PLCZ1: variants seen among roughly 807,000 people sequenced by gnomAD.
The protein encoded by PLCZ1 is phospholipase C zeta 1.
Under a neutral mutation model 76.8 loss-of-function variants are expected in PLCZ1, and 64 were observed. The ratio of observed to expected loss-of-function variants is 0.83; its 90% CI spans 0.68 to 1.03. The LOEUF (loss-of-function observed/expected upper bound fraction) is 1.03. Among genes scored for constraint, PLCZ1 ranks in the 50% least tolerant of loss-of-function variants. The pLI is 0.00. For missense variants in PLCZ1, 751 were observed against 713.7 expected (o/e 1.05, Z -0.60); for synonymous variants, 248 against 230.8 (o/e 1.07, Z -0.68).
the PLCZ1 span, among the ~76,000 whole-genome samples, chr12:18,658,995 C>G: frequency 0.58 from 88,380 of 151,414 alleles, 27,146 homozygotes; most frequent in East Asian, 0.89. Context: ...AACTCATGCT[C>G]TATGACTCAG....
chr12:18,659,780 C>T, the PLCZ1 span, among the ~76,000 whole-genome samples: 54 of 150,712 alleles, frequency 3.6e-4, no homozygotes, highest in Admixed American at 1.5e-3. Context: ...CCCGTTAACT[C>T]GTTATTTAGC....
chr12:18,705,738 T>C (rs1956518366), intron 6 of PLCZ1, among the ~76,000 whole-genome samples: 2 of 151,320 alleles, frequency 1.3e-5, no homozygotes, highest in Non-Finnish European at 2.9e-5. Flanking sequence ...TGGTAGTGTG[T>C]GCCTGTAATC....
At chr12:18,647,890 A>T in the PLCZ1 span, 4 of 1,557,402 alleles carry the variant, frequency 2.6e-6, no homozygotes, top group Non-Finnish European at 3.5e-6. Context: ...TATATGATGA[A>T]GTCACAGAGC....
the PLCZ1 span, among the ~76,000 whole-genome samples, chr12:18,671,515 C>T: frequency 6.6e-6 from 1 of 152,210 alleles, no homozygotes; most frequent in Admixed American, 6.5e-5. Flanking sequence ...ACAGCATTCA[C>T]TATGGAGGCA....
At chr12:18,693,419 G>A (rs1954444493) in intron 12 of PLCZ1, 3 of 1,604,388 alleles carry the variant, frequency 1.9e-6, no homozygotes, top group Non-Finnish European at 1.7e-6. Flanking sequence ...ATGAAGAGAT[G>A]GGTATAAAGC....
downstream of PLCZ1, among the ~76,000 whole-genome samples, chr12:18,680,521 A>C (rs1404454345): frequency 8.6e-5 from 13 of 152,030 alleles, no homozygotes; most frequent in Non-Finnish European, 1.5e-5. Flanking sequence ...AAAAGTCCAG[A>C]TAAGTCTGGG....
At chr12:18,677,301 A>G in the PLCZ1 span, among the ~76,000 whole-genome samples, 6 of 152,150 alleles carry the variant, frequency 3.9e-5, no homozygotes, top group African/African-American at 1.4e-4. Flanking sequence ...GTTTCTAGAA[A>G]GCTAAGCCAG....
chr12:18,693,416 G>C, intron 12 of PLCZ1: 1 of 1,604,858 alleles, frequency 6.2e-7, no homozygotes, highest in Non-Finnish European at 8.5e-7. Flanking sequence ...ATTATGAAGA[G>C]ATGGGTATAA....
downstream of PLCZ1, among the ~76,000 whole-genome samples, chr12:18,681,968 G>A (rs1448375009): frequency 6.6e-6 from 1 of 152,002 alleles, no homozygotes; most frequent in African/African-American, 2.4e-5. Flanking sequence ...GGGTCAATGG[G>A]CTGAAACTCC....
Position 18,736,223 on chromosome 12 carries a change from T to G in PLCZ1, c.133A>C (p.Lys45Gln). The change falls in exon 3 of 15, where the codon AAG becomes CAG. Residue 45 changes from lysine to glutamine, a missense_variant and splice_region_variant. Transcript: ENST00000266505. ...CSYIHVKQIF[K>Q]DNDRLKQGRI... ...GCAGGGGGTGGATGTCATCTTACCT[T>G]AAAAATCTGTTTCACATGAATATAA... 6.2e-7 allele frequency: 1 copy of G among 1,612,126 alleles called. No homozygotes were observed. Among genetic ancestry groups the G allele is most frequent in the Non-Finnish European group, 8.5e-7 (1 of 1,178,744 alleles).
At chr12:18,668,693 C>G in the PLCZ1 span, among the ~76,000 whole-genome samples, 1 of 152,078 alleles carries the variant, frequency 6.6e-6, no homozygotes, top group Non-Finnish European at 1.5e-5. Context: ...CACCTCCAGC[C>G]CATAAAGGAA....
chr12:18,687,687 A>T (rs1953370705), intron 13 of PLCZ1, among the ~76,000 whole-genome samples: 1 of 152,086 alleles, frequency 6.6e-6, no homozygotes, highest in Non-Finnish European at 1.5e-5. Flanking sequence ...TTAATCTAAA[A>T]TAATTCAAAT....
the PLCZ1 span, among the ~76,000 whole-genome samples, chr12:18,650,700 GTGTGTATATATCTATA>G: frequency 1.1e-3 from 47 of 43,822 alleles, 3 homozygotes; most frequent in Non-Finnish European, 1.6e-3. Flanking sequence ...GTGTGTGTGT[GTGTGTATATATCTATA>G]TATATATATA....
chr12:18,682,817 T>C (rs1247679021), downstream of PLCZ1, among the ~76,000 whole-genome samples: 1 of 152,018 alleles, frequency 6.6e-6, no homozygotes, highest in African/African-American at 2.4e-5. Context: ...GGCCTGGCAA[T>C]CTAATTCCTT....
chr12:18,733,421 T>A (rs990040237), intron 3 of PLCZ1, among the ~76,000 whole-genome samples: 3 of 152,210 alleles, frequency 2.0e-5, no homozygotes, highest in African/African-American at 7.2e-5. Flanking sequence ...TTGTTGATTG[T>A]TTCCTTTGCT....
intron 10 of PLCZ1, 131 bp downstream of exon 10, chr12:18,699,663 C>A (rs1955621216): frequency 2.0e-6 from 2 of 1,010,842 alleles, no homozygotes; most frequent in Non-Finnish European, 3.0e-6. Context: ...TAACCCCATT[C>A]TAAATTATGT....
In PLCZ1 at chr12:18,689,632, G is replaced by A. The variant is rs375853228; in HGVS notation, c.1462-1414C>T. Among the ~76,000 whole-genome samples, 319 of 152,210 alleles carry A rather than the reference G, an allele frequency of 2.1e-3. 3 individuals carry two copies. The highest frequency in any genetic ancestry group is 0.012 in the South Asian group (56 of 4,824). Reference sequence around the variant, plus strand: ...TTGTACAGGAGCCAATGCAGAGGAAGGGATATCAAACAATAAGCCCTCAGT... The same window carrying A: ...TTGTACAGGAGCCAATGCAGAGGAAAGGATATCAAACAATAAGCCCTCAGT... On this transcript the variant is annotated intron_variant, in intron 12 of 14. Coordinates refer to ENST00000266505, the MANE Select transcript of PLCZ1 (RefSeq NM_033123.4).
intron 3 of PLCZ1, among the ~76,000 whole-genome samples, chr12:18,725,994 C>A (rs1275501686): frequency 6.6e-6 from 1 of 152,048 alleles, no homozygotes; most frequent in African/African-American, 2.4e-5. Context: ...TTTCTATATT[C>A]ATTCTAGAAT....
chr12:18,651,248 C>A, the PLCZ1 span, among the ~76,000 whole-genome samples: 1,201 of 152,026 alleles, frequency 7.9e-3, 7 homozygotes, highest in African/African-American at 0.028. Context: ...GCCCTGTATC[C>A]ATTTGCCTAG....
Sources: allele counts gnomAD v4.1 joint callset (sites outside exome capture counted in the v4.1 genomes callset), GRCh38; gene constraint gnomAD v4.1.1; transcripts MANE v1.5; gene names NCBI Gene and HGNC (gene_info 2026-07-23, HGNC 2026-07-21).